The following ADAM32 variants were observed in gnomAD, a reference collection of about 807,000 sequenced individuals.
The protein encoded by ADAM32 is ADAM metallopeptidase domain 32, also known as disintegrin and metalloproteinase domain-containing protein 32.
A neutral mutation model predicts 114.9 loss-of-function variants in ADAM32; 89 were observed. That is an observed-to-expected ratio of 0.77 (90% CI 0.65 to 0.92). The LOEUF is 0.92. Among genes scored for constraint, ADAM32 ranks in the 40% least tolerant of loss-of-function variants. ADAM32 has a pLI of 0.00. For missense variants in ADAM32, 870 were observed against 932.8 expected (o/e 0.93, Z 0.88); for synonymous variants, 285 against 307.5 (o/e 0.93, Z 0.77).
intron 19 of ADAM32, among the ~76,000 whole-genome samples, chr8:39,262,985 T>C (rs1383764488): frequency 6.6e-6 from 1 of 152,132 alleles, no homozygotes; most frequent in Non-Finnish European, 1.5e-5. Flanking sequence ...TGGGATTATG[T>C]GTGAGGCACC....
chr8:39,156,944 G>A (rs1453948113), intron 6 of ADAM32, among the ~76,000 whole-genome samples: 2 of 152,128 alleles, frequency 1.3e-5, no homozygotes, highest in Non-Finnish European at 2.9e-5. Context: ...ATTTTACTGG[G>A]ATACCATTTG....
chr8:39,131,996 C>T (rs4324893), intron 2 of ADAM32: 131,047 of 313,496 alleles, frequency 0.42, 28,967 homozygotes, highest in African/African-American at 0.61. Context: ...CGGGTTCAAA[C>T]GATTTTCCTG....
chr8:39,177,360 A>G (rs1386168152), intron 10 of ADAM32, among the ~76,000 whole-genome samples: 2 of 152,144 alleles, frequency 1.3e-5, no homozygotes. Flanking sequence ...GATTGCTCCC[A>G]GCCATCCCTT....
At chr8:39,121,231 A>G (rs1463151248) in intron 2 of ADAM32, among the ~76,000 whole-genome samples, 2 of 152,244 alleles carry the variant, frequency 1.3e-5, no homozygotes, top group Non-Finnish European at 2.9e-5. Context: ...ACATCAGCAG[A>G]AACACTGCCA....
intron 17 of ADAM32, among the ~76,000 whole-genome samples, chr8:39,250,658 A>G (rs1230952840): frequency 6.6e-6 from 1 of 151,986 alleles, no homozygotes; most frequent in Non-Finnish European, 1.5e-5. Context: ...ATCACTTTAC[A>G]TATTTGTCTT....
At chr8:39,201,838 G>T (rs1244049274) in intron 11 of ADAM32, among the ~76,000 whole-genome samples, 3 of 152,134 alleles carry the variant, frequency 2.0e-5, no homozygotes, top group Non-Finnish European at 2.9e-5. Flanking sequence ...TTAGCATGAA[G>T]GGCTGTTGAA....
intron 11 of ADAM32, among the ~76,000 whole-genome samples, chr8:39,197,834 G>A (rs1276242737): frequency 6.6e-6 from 1 of 152,084 alleles, no homozygotes; most frequent in Non-Finnish European, 1.5e-5. Flanking sequence ...AGGTTTATTT[G>A]CTTGATAGTG....
chr8:39,204,553 T>C (rs1807682575), intron 11 of ADAM32, among the ~76,000 whole-genome samples: 1 of 152,224 alleles, frequency 6.6e-6, no homozygotes, highest in South Asian at 2.1e-4. Flanking sequence ...TCAAGCTTTT[T>C]AGCTTCTTTG....
chr8:39,222,930 C>T (rs2129448855), intron 13 of ADAM32, 110 bp from the exon 14 acceptor site: 2 of 781,826 alleles, frequency 2.6e-6, no homozygotes, highest in South Asian at 4.2e-5. Context: ...TATTAATATA[C>T]ATTAATGGAT....
chr8:39,184,951 G>A (rs1367014744), intron 10 of ADAM32, among the ~76,000 whole-genome samples: 1 of 152,166 alleles, frequency 6.6e-6, no homozygotes, highest in Non-Finnish European at 1.5e-5. Context: ...CGCATGGCCT[G>A]TAACACTCCT....
chr8:39,216,381 C>T (rs1808566939), intron 12 of ADAM32, among the ~76,000 whole-genome samples: 1 of 151,866 alleles, frequency 6.6e-6, no homozygotes, highest in South Asian at 2.1e-4. Flanking sequence ...TTGATTGGAG[C>T]ATTTAGTTGA....
intron 10 of ADAM32, among the ~76,000 whole-genome samples, chr8:39,186,149 C>A (rs1464092078): frequency 1.3e-5 from 2 of 152,168 alleles, no homozygotes; most frequent in Non-Finnish European, 2.9e-5. Flanking sequence ...TTCTGTTCTT[C>A]ATTATGTGCA....
intron 16 of ADAM32, 91 bp downstream of exon 16, chr8:39,234,173 A>G: frequency 1.0e-6 from 1 of 952,404 alleles, no homozygotes; most frequent in Non-Finnish European, 1.4e-6. Flanking sequence ...TAGTGCTAGT[A>G]TTAGGTAATC....
chr8:39,154,052 AAT>A (rs1564496171), intron 6 of ADAM32, among the ~76,000 whole-genome samples: 1 of 149,810 alleles, frequency 6.7e-6, no homozygotes. Flanking sequence ...ATATATATGT[AAT>A]TATACTTTAA....
intron 10 of ADAM32, among the ~76,000 whole-genome samples, chr8:39,172,233 C>A (rs1805246246): frequency 6.6e-6 from 1 of 151,952 alleles, no homozygotes; most frequent in Non-Finnish European, 1.5e-5. Flanking sequence ...TTCTTGGAAT[C>A]TTTTACTACT....
chr8:39,158,768 T>C (rs1170046684), intron 6 of ADAM32: 1 of 152,594 alleles, frequency 6.6e-6, no homozygotes, highest in Non-Finnish European at 1.5e-5. Flanking sequence ...GATTGATTTG[T>C]TTTGAAGTTT....
At chr8:39,239,895 A>G (rs1040901359) in intron 16 of ADAM32, among the ~76,000 whole-genome samples, 1 of 152,210 alleles carries the variant, frequency 6.6e-6, no homozygotes, top group East Asian at 1.9e-4. Flanking sequence ...GTAAATACAT[A>G]TACACCTAAC....
chr8:39,131,694 T>C (rs1564454466), intron 2 of ADAM32, among the ~76,000 whole-genome samples: 1 of 152,230 alleles, frequency 6.6e-6, no homozygotes, highest in Non-Finnish European at 1.5e-5. Context: ...TGGGATGCAG[T>C]GATGATTTTA....
At chr8:39,276,687 C>T (rs1210603527) in intron 22 of ADAM32, among the ~76,000 whole-genome samples, 2 of 152,134 alleles carry the variant, frequency 1.3e-5, no homozygotes, top group Non-Finnish European at 2.9e-5. Context: ...CTGCGTTGCT[C>T]ATTTTTAATC....
Sources: allele counts gnomAD v4.1 joint callset (sites outside exome capture counted in the v4.1 genomes callset), GRCh38; gene constraint gnomAD v4.1.1; transcripts MANE v1.5; gene names NCBI Gene and HGNC (gene_info 2026-07-23, HGNC 2026-07-21).